The following TM9SF3 variants were observed in gnomAD, a reference collection of about 807,000 sequenced individuals.
TM9SF3 encodes the protein transmembrane 9 superfamily member 3.
A neutral mutation model predicts 78.6 loss-of-function variants in TM9SF3; 14 were observed. The ratio of observed to expected loss-of-function variants is 0.18; its 90% CI spans 0.12 to 0.28. The LOEUF is 0.28. TM9SF3 is among the 10% of genes least tolerant of loss of function. TM9SF3 has a pLI of 1.00. For missense variants in TM9SF3, 496 were observed against 721.9 expected (o/e 0.69, Z 3.59); for synonymous variants, 231 against 241.7 (o/e 0.96, Z 0.41).
intron 10 of TM9SF3, among the ~76,000 whole-genome samples, chr10:96,531,037 A>T (rs1335692477): frequency 6.6e-6 from 1 of 152,038 alleles, no homozygotes; most frequent in Admixed American, 6.6e-5. Flanking sequence ...CTCTTTGCTC[A>T]CTCTCTCCTT....
In TM9SF3 at chr10:96,557,958, G is replaced by T. The variant is rs182550578; in HGVS notation, c.660+1701C>A. On this transcript the variant is annotated intron_variant, in intron 5 of 14. Coordinates refer to ENST00000371142, the MANE Select transcript of TM9SF3 (RefSeq NM_020123.4). ...TTGACTAGAACGTAAGTTCCTAGAG[G>T]GTATAGATCTTTGCCTTTATTTTCT... 4.6e-5 allele frequency among the ~76,000 whole-genome samples: 7 copies of T among 152,224 alleles called. No individual in the cohort carries two copies. In the East Asian group the frequency reaches 1.4e-3, roughly 29 times the overall value.
chr10:96,562,017 C>T lies in TM9SF3; in HGVS notation c.543G>A (p.Val181=). The change falls in exon 4 of 15, where the codon GTG becomes GTA. Residue 181 remains valine (V), a synonymous_variant. Transcript: ENST00000371142. ...VDVNLTSEGK[V]KLVPNTKIQM... ...GGATTTTAGTATTTGGAACCAGTTT[C>T]ACCTTTCCTTCACTAGTTAGATTAA... The T allele has an allele frequency of 6.2e-7, 1 of 1,612,660 alleles. No homozygotes were observed. The highest frequency in any genetic ancestry group is 8.5e-7 in the Non-Finnish European group (1 of 1,179,514).
At chr10:96,560,053 G>A (rs1848285743) in intron 4 of TM9SF3, 1 of 576,254 alleles carries the variant, frequency 1.7e-6, no homozygotes, top group Non-Finnish European at 3.1e-6. Flanking sequence ...CATATCACAA[G>A]TGTCTAAATC....
At chr10:96,540,488 A>G (rs1224424324) in intron 9 of TM9SF3, among the ~76,000 whole-genome samples, 1 of 152,204 alleles carries the variant, frequency 6.6e-6, no homozygotes, top group Non-Finnish European at 1.5e-5. Flanking sequence ...ACTCCTGTAC[A>G]ATCAACTGCC....
chr10:96,583,289 A>C (rs192953867), intron 1 of TM9SF3, among the ~76,000 whole-genome samples: 3 of 152,212 alleles, frequency 2.0e-5, no homozygotes, highest in Admixed American at 2.0e-4. Flanking sequence ...CCTTGTTAAA[A>C]AATTTAAAAC....
chr10:96,533,572 C>T (rs1314298717), intron 9 of TM9SF3, among the ~76,000 whole-genome samples: 2 of 152,070 alleles, frequency 1.3e-5, no homozygotes, highest in Non-Finnish European at 2.9e-5. Flanking sequence ...TCATAAAATG[C>T]ACTAAGAGCT....
intron 8 of TM9SF3, among the ~76,000 whole-genome samples, chr10:96,544,464 T>C (rs1848073455): frequency 6.6e-6 from 1 of 152,194 alleles, no homozygotes; most frequent in Non-Finnish European, 1.5e-5. Context: ...CTGTGAACTT[T>C]CATAAGCCAC....
intron 2 of TM9SF3, among the ~76,000 whole-genome samples, chr10:96,570,401 ACTT>A (rs1350270029): frequency 3.3e-5 from 5 of 152,236 alleles, no homozygotes; most frequent in African/African-American, 1.2e-4. Context: ...GTGTATTTGA[ACTT>A]CTATCACTGT....
At chr10:96,580,791 G>T (rs905224758) in intron 1 of TM9SF3, among the ~76,000 whole-genome samples, 27 of 152,042 alleles carry the variant, frequency 1.8e-4, no homozygotes, top group Non-Finnish European at 4.4e-5. Context: ...TAGTTCTAAG[G>T]TCTTTATATG....
rs544020026 is a variant in TM9SF3 at position 96,542,946 on chromosome 10, T to C, written c.1185+1130A>G. ...TTGGGAAACTATTTGTTAACTCCCA[T>C]ATAATAGAAAGAAAACCCAAACAAG... On this transcript the variant is annotated intron_variant, in intron 9 of 14. Transcript: ENST00000371142. Among the ~76,000 whole-genome samples the C allele has an allele frequency of 4.6e-5, 7 of 152,326 alleles. No homozygotes were observed. The South Asian group carries it at 1.4e-3, about 32-fold the overall frequency.
chr10:96,522,195 T>A lies in TM9SF3; in HGVS notation c.*68A>T, dbSNP rs1447531624. The stretch of plus-strand genomic sequence containing the variant: ...CCAAATCTCTTCTTGCGTTTGTTTG[T>A]TTTTGCTGTGCAAGTTCCACCCCTA... On this transcript the variant is annotated 3_prime_UTR_variant, in exon 15 of 15. Transcript: ENST00000371142. 7.3e-6 allele frequency: 10 copies of A among 1,366,974 alleles called. No individual in the cohort carries two copies. In the East Asian group the frequency reaches 2.4e-4, roughly 33 times the overall value. The allele number at this position is 1,366,974 out of a possible 1,614,324, so 84.7% of individuals were successfully genotyped here.
chr10:96,560,549 T>C (rs751391418), intron 4 of TM9SF3: 7 of 703,232 alleles, frequency 1.0e-5, no homozygotes, highest in Non-Finnish European at 1.6e-5. Flanking sequence ...TGGAGGAAGA[T>C]GCAGAATCAG....
intron 5 of TM9SF3, among the ~76,000 whole-genome samples, 178 bp from the exon 6 acceptor site, chr10:96,553,237 T>C (rs1419690773): frequency 1.3e-5 from 2 of 152,212 alleles, no homozygotes; most frequent in South Asian, 2.1e-4. Context: ...GCCAAGGGGA[T>C]TGGCTTTCTT....
At chr10:96,563,668 G>A (rs184164282) in intron 3 of TM9SF3, among the ~76,000 whole-genome samples, 38 of 152,260 alleles carry the variant, frequency 2.5e-4, no homozygotes, top group Admixed American at 2.6e-4. Flanking sequence ...GTGAGCCACC[G>A]CGCCCAGCCA....
chr10:96,543,341 A>ATTTTTTTTTTT (rs747592959), intron 9 of TM9SF3, among the ~76,000 whole-genome samples: 4 of 8,506 alleles, frequency 4.7e-4, no homozygotes, highest in Non-Finnish European at 5.0e-4. Flanking sequence ...GCTTAGTGAG[A>ATTTTTTTTTTT]TTCTTTTTTT....
chr10:96,582,975 G>A (rs766724210), intron 1 of TM9SF3, among the ~76,000 whole-genome samples: 3 of 151,730 alleles, frequency 2.0e-5, no homozygotes, highest in Non-Finnish European at 4.4e-5. Context: ...AGCTACTCAG[G>A]AGGCTGAGAC....
At chr10:96,540,769 C>CTTTT (rs68126103) in intron 9 of TM9SF3, among the ~76,000 whole-genome samples, 1,618 of 51,376 alleles carry the variant, frequency 0.031, 51 homozygotes, top group East Asian at 0.042. Context: ...TATTACCTTT[C>CTTTT]TTTTTTTTTT....
rs538289270 is a variant in TM9SF3 at position 96,529,621 on chromosome 10, G to GA, written c.1394+918dup. Among the ~76,000 whole-genome samples the GA allele has an allele frequency of 7.6e-4, 112 of 146,764 alleles. 1 individual carries two copies. The South Asian group carries it at 0.023, about 31-fold the overall frequency. On this transcript the variant is annotated intron_variant, in intron 11 of 14. Coordinates refer to ENST00000371142, the MANE Select transcript of TM9SF3 (RefSeq NM_020123.4). Reference sequence around the variant, plus strand: ...AGGAAAAAAATGAAAAAATTTCAATGAAAAAAAAGACCATGGCTCTATATT... The same window carrying GA: ...AGGAAAAAAATGAAAAAATTTCAATGAAAAAAAAAGACCATGGCTCTATATT...
Position 96,526,381 on chromosome 10 carries a change from G to C in TM9SF3, c.1702+832C>G, listed in dbSNP as rs115591128. Among the ~76,000 whole-genome samples the C allele has an allele frequency of 5.5e-3, 841 of 152,134 alleles. 5 individuals are homozygous for C. The highest frequency in any genetic ancestry group is 0.019 in the African/African-American group (792 of 41,534). ...TACAGATAAAAATGAGACTTAGAAA[G>C]GTTAATGTGACCTCCATGGCCATAA... On this transcript the variant is annotated intron_variant, in intron 14 of 14. Transcript: ENST00000371142.
Sources: allele counts gnomAD v4.1 joint callset (sites outside exome capture counted in the v4.1 genomes callset), GRCh38; gene constraint gnomAD v4.1.1; transcripts MANE v1.5; gene names NCBI Gene and HGNC (gene_info 2026-07-23, HGNC 2026-07-21).